CCSER2: variants seen among roughly 807,000 people sequenced by gnomAD.
CCSER2 encodes coiled-coil serine rich protein 2, also known as serine-rich coiled-coil domain-containing protein 2.
A neutral mutation model predicts 92.3 loss-of-function variants in CCSER2; 46 were observed. That is an observed-to-expected ratio of 0.50 (90% CI 0.39 to 0.64). CCSER2 has a LOEUF of 0.64. Ranked by LOEUF, CCSER2 falls within the 30% of genes least tolerant of loss-of-function variation. The pLI, the probability that CCSER2 is intolerant of heterozygous loss-of-function variation, is 0.00. For missense variants in CCSER2, 1,244 were observed against 1,238.9 expected, an observed-to-expected ratio of 1.00 and a Z score of -0.06; for synonymous variants, 433 against 431.4, an observed-to-expected ratio of 1.00 and a Z score of -0.04.
rs531671730 is a variant in CCSER2 at position 84,340,554 on chromosome 10, A to G, written c.-40+11746A>G. ...TATTTATTAAATATTTCTTTTCATG[A>G]GCAAATAATGAGACTTGTTGATGAT... On this transcript the variant is annotated intron_variant, in intron 1 of 9. Coordinates refer to ENST00000372088, the MANE Select transcript of CCSER2 (RefSeq NM_001284240.2). Among the ~76,000 whole-genome samples the G allele has an allele frequency of 2.6e-5, 4 of 152,188 alleles. No homozygotes were observed. The East Asian group carries it at 7.7e-4, about 29-fold the overall frequency.
chr10:84,463,812 C>T (rs1048451934), intron 6 of CCSER2, 121 bp from the exon 7 acceptor site: 1 of 616,412 alleles, frequency 1.6e-6, no homozygotes. Flanking sequence ...CCCATTTGTT[C>T]TTCACCATGC....
intron 1 of CCSER2, among the ~76,000 whole-genome samples, chr10:84,344,561 G>T (rs1044286559): frequency 2.0e-5 from 3 of 152,142 alleles, no homozygotes; most frequent in African/African-American, 7.2e-5. Flanking sequence ...TTGATAGTGG[G>T]ATGTATGTAT....
chr10:84,380,949 C>T (rs1332429782), intron 3 of CCSER2, among the ~76,000 whole-genome samples: 6 of 152,154 alleles, frequency 3.9e-5, no homozygotes, highest in Admixed American at 3.9e-4. Context: ...CCCACCTCGG[C>T]CTCCCAAAGT....
At position 84,438,778 on chromosome 10, in the gene CCSER2, A is replaced by G. The variant is rs11201037; in HGVS notation, c.2064+71A>G. On this transcript the variant is annotated intron_variant, in intron 6 of 9. Transcript: ENST00000372088. ...AAATGGATTGACTTTAGTTTTTTTT[A>G]AAAAAATACTTACTGGGTTTCTCAT... The G allele has an allele frequency of 5.6e-6, 5 of 890,610 alleles. No individual in the cohort carries two copies. The South Asian group carries it at 9.5e-5, about 17-fold the overall frequency. The allele number at this position is 890,610 out of a possible 1,614,324, so 55.2% of individuals were successfully genotyped here.
chr10:84,355,841 G>GCCT (rs1456768768), intron 1 of CCSER2, among the ~76,000 whole-genome samples: 1 of 152,130 alleles, frequency 6.6e-6, no homozygotes. Flanking sequence ...TGTGGCTCAC[G>GCCT]CCTGTAATCC....
intron 6 of CCSER2, among the ~76,000 whole-genome samples, chr10:84,450,446 C>A (rs191377744): frequency 6.6e-6 from 1 of 152,170 alleles, no homozygotes; most frequent in East Asian, 1.9e-4. Context: ...TAAATGCATA[C>A]CTATTCATGT....
At chr10:84,392,097 A>G (rs559608126) in intron 3 of CCSER2, 1 of 762,768 alleles carries the variant, frequency 1.3e-6, no homozygotes, top group African/African-American at 1.7e-5. Context: ...AGTCTTGGAG[A>G]CTATGAGGGA....
intron 2 of CCSER2, among the ~76,000 whole-genome samples, chr10:84,372,915 A>C (rs1215851234): frequency 6.6e-6 from 1 of 152,126 alleles, no homozygotes; most frequent in Non-Finnish European, 1.5e-5. Context: ...TTTATCCTAG[A>C]AAATTCTTCT....
intron 1 of CCSER2, among the ~76,000 whole-genome samples, chr10:84,333,700 T>C (rs987768680): frequency 6.6e-6 from 1 of 152,246 alleles, no homozygotes; most frequent in African/African-American, 2.4e-5. Context: ...AAATGAAGGC[T>C]AAACCTTGAG....
chr10:84,439,463 G>A (rs1232420318), intron 6 of CCSER2, among the ~76,000 whole-genome samples: 2 of 152,186 alleles, frequency 1.3e-5, no homozygotes, highest in African/African-American at 2.4e-5. Context: ...AGAAAGAACA[G>A]CCTGACTTCT....
intron 1 of CCSER2, among the ~76,000 whole-genome samples, chr10:84,365,006 T>C (rs2133135475): frequency 6.6e-6 from 1 of 152,094 alleles, no homozygotes; most frequent in Admixed American, 6.5e-5. Context: ...CTGCCCAGAG[T>C]GCTGGGATTA....
At chr10:84,354,605 C>G (rs765011696) in intron 1 of CCSER2, among the ~76,000 whole-genome samples, 2 of 133,584 alleles carry the variant, frequency 1.5e-5, no homozygotes, top group Non-Finnish European at 3.1e-5. Flanking sequence ...CAGGACTGTG[C>G]CTTTCTCTCC....
At chr10:84,476,886 A>T (rs1847181285) in intron 8 of CCSER2, among the ~76,000 whole-genome samples, 1 of 152,130 alleles carries the variant, frequency 6.6e-6, no homozygotes, top group Non-Finnish European at 1.5e-5. Flanking sequence ...GGTCAGATGG[A>T]TCTTGTCAAA....
intron 3 of CCSER2, among the ~76,000 whole-genome samples, chr10:84,395,811 C>T (rs1287468192): frequency 6.6e-6 from 1 of 152,148 alleles, no homozygotes; most frequent in East Asian, 1.9e-4. Context: ...ACAAAATATT[C>T]CAGGCTTATC....
At chr10:84,416,682 A>G (rs1231456232) in intron 3 of CCSER2, among the ~76,000 whole-genome samples, 1 of 152,134 alleles carries the variant, frequency 6.6e-6, no homozygotes, top group African/African-American at 2.4e-5. Context: ...TAATTCCAGC[A>G]CTTTGGGAGG....
chr10:84,448,502 C>G (rs1171371797), intron 6 of CCSER2, among the ~76,000 whole-genome samples: 1 of 152,008 alleles, frequency 6.6e-6, no homozygotes, highest in Non-Finnish European at 1.5e-5. Context: ...GGGGTGGAAA[C>G]CTATTTTGCT....
intron 9 of CCSER2, among the ~76,000 whole-genome samples, chr10:84,483,279 G>A (rs1332636883): frequency 1.3e-5 from 2 of 151,980 alleles, no homozygotes; most frequent in Non-Finnish European, 2.9e-5. Flanking sequence ...AATAATCCGA[G>A]CTACTCGGGA....
Position 84,516,440 on chromosome 10 carries a change from A to G in CCSER2, c.*2173A>G, listed in dbSNP as rs765647403. On this transcript the variant is annotated 3_prime_UTR_variant, in exon 10 of 10. Transcript: ENST00000372088. Reference sequence around the variant, plus strand: ...AGTTGTAAGTGGGCATACATGTTCTATCATTTTGAAGGAGAAAGAAAACCG... The same window carrying G: ...AGTTGTAAGTGGGCATACATGTTCTGTCATTTTGAAGGAGAAAGAAAACCG... The G allele has an allele frequency of 1.4e-4, 21 of 152,332 alleles. No homozygotes were observed. The highest frequency in any genetic ancestry group is 2.2e-4 in the African/African-American group (9 of 41,584). The allele number at this position is 152,332 out of a possible 1,614,324, so 9.4% of individuals were successfully genotyped here. A position where few individuals can be genotyped will look rare whatever the true frequency, so the allele number is the denominator to read the frequency against.
intron 1 of CCSER2, among the ~76,000 whole-genome samples, chr10:84,337,854 A>G (rs1843926638): frequency 6.6e-6 from 1 of 152,216 alleles, no homozygotes; most frequent in African/African-American, 2.4e-5. Context: ...GTATTATCAC[A>G]TTACTGAATC....
Sources: allele counts gnomAD v4.1 joint callset (sites outside exome capture counted in the v4.1 genomes callset), GRCh38; gene constraint gnomAD v4.1.1; transcripts MANE v1.5; gene names NCBI Gene and HGNC (gene_info 2026-07-23, HGNC 2026-07-21).